The following CEP112 variants were observed in gnomAD, a reference collection of about 807,000 sequenced individuals.
CEP112 encodes centrosomal protein of 112 kDa.
Under a neutral mutation model 153.0 loss-of-function variants are expected in CEP112, and 127 were observed. That is an observed-to-expected ratio of 0.83 (90% CI 0.72 to 0.96). CEP112 has a LOEUF of 0.96. Among genes scored for constraint, CEP112 ranks in the 40% least tolerant of loss-of-function variants. The pLI is 0.00. For missense variants in CEP112, 1,089 were observed against 1,101.2 expected, an observed-to-expected ratio of 0.99 and a Z score of 0.16; for synonymous variants, 358 against 374.4, an observed-to-expected ratio of 0.96 and a Z score of 0.51.
At chr17:65,902,062 C>G in intron 20 of CEP112, 90 bp downstream of exon 20, 1 of 726,966 alleles carries the variant, frequency 1.4e-6, no homozygotes, top group East Asian at 3.1e-5. Flanking sequence ...GATCAAACAG[C>G]GTGCATCAAT....
intron 18 of CEP112, among the ~76,000 whole-genome samples, chr17:65,937,996 G>C (rs893575186): frequency 8.3e-6 from 1 of 120,668 alleles, no homozygotes; most frequent in Non-Finnish European, 1.8e-5. Context: ...GTGGGGAAAA[G>C]ATTGAGAAAT....
At chr17:65,943,849 A>C (rs184384709) in intron 18 of CEP112, among the ~76,000 whole-genome samples, 43 of 152,272 alleles carry the variant, frequency 2.8e-4, no homozygotes, top group African/African-American at 9.9e-4. Context: ...AGGTACACCA[A>C]TCAGTCATAG....
chr17:65,808,556 G>A (rs2055751771), intron 21 of CEP112, among the ~76,000 whole-genome samples: 1 of 152,128 alleles, frequency 6.6e-6, no homozygotes, highest in Non-Finnish European at 1.5e-5. Context: ...GGTAGGAGGT[G>A]ATTGAATCAT....
intron 18 of CEP112, among the ~76,000 whole-genome samples, chr17:65,937,531 CTCTG>C (rs1599074502): frequency 1.5e-5 from 2 of 137,824 alleles, no homozygotes; most frequent in African/African-American, 5.1e-5. Flanking sequence ...TGAGGAGCCC[CTCTG>C]CCCGGCCAGC....
At chr17:65,833,021 C>A (rs756204108) in intron 21 of CEP112, among the ~76,000 whole-genome samples, 2 of 152,136 alleles carry the variant, frequency 1.3e-5, no homozygotes, top group Non-Finnish European at 2.9e-5. Flanking sequence ...ATCAAGTAGA[C>A]GTCATCCCCA....
chr17:65,824,461 T>C (rs1216352701), intron 21 of CEP112, among the ~76,000 whole-genome samples: 2 of 152,226 alleles, frequency 1.3e-5, no homozygotes, highest in African/African-American at 2.4e-5. Flanking sequence ...GATGGAACTG[T>C]TCTTCATCTT....
At chr17:65,877,336 A>G (rs547669091) in intron 20 of CEP112, among the ~76,000 whole-genome samples, 1 of 152,362 alleles carries the variant, frequency 6.6e-6, no homozygotes, top group Admixed American at 6.5e-5. Flanking sequence ...AGCACCCTCA[A>G]ACACAAAGAG....
At chr17:65,753,708 T>C (rs9911719) in intron 21 of CEP112, among the ~76,000 whole-genome samples, 3 of 152,226 alleles carry the variant, frequency 2.0e-5, no homozygotes, top group African/African-American at 7.2e-5. Context: ...TTGTTGCTTT[T>C]AAAATAAACG....
intron 21 of CEP112, among the ~76,000 whole-genome samples, chr17:65,843,474 A>G (rs2057603004): frequency 6.6e-6 from 1 of 152,182 alleles, no homozygotes; most frequent in African/African-American, 2.4e-5. Context: ...GATAAAAGTA[A>G]AAAGAACAAA....
intron 8 of CEP112, among the ~76,000 whole-genome samples, chr17:66,095,510 C>A (rs764263072): frequency 6.6e-6 from 1 of 151,782 alleles, no homozygotes; most frequent in African/African-American, 2.4e-5. Context: ...TGAGGCCAGG[C>A]GACAAGGAGT....
intron 20 of CEP112, among the ~76,000 whole-genome samples, chr17:65,854,938 T>C (rs1047826605): frequency 4.6e-5 from 7 of 152,162 alleles, no homozygotes; most frequent in African/African-American, 1.7e-4. Context: ...AGTTATGTGT[T>C]TGGGAGGCAG....
chr17:65,700,503 A>C (rs947559578), intron 23 of CEP112, among the ~76,000 whole-genome samples: 1 of 152,108 alleles, frequency 6.6e-6, no homozygotes, highest in Non-Finnish European at 1.5e-5. Context: ...CTGGGGAGTG[A>C]ATCACAGAGG....
chr17:66,086,762 A>C (rs2067955025), intron 8 of CEP112, among the ~76,000 whole-genome samples: 1 of 152,152 alleles, frequency 6.6e-6, no homozygotes, highest in Non-Finnish European at 1.5e-5. Context: ...AAAAACGTAA[A>C]TATATTACCA....
At chr17:65,850,309 G>A (rs919502648) in intron 21 of CEP112, among the ~76,000 whole-genome samples, 6 of 152,048 alleles carry the variant, frequency 3.9e-5, no homozygotes, top group Middle Eastern at 3.4e-3. Context: ...TATTGGTCTT[G>A]TAGTCTTCTT....
chr17:65,674,606 G>A (rs1041386542), intron 24 of CEP112, among the ~76,000 whole-genome samples: 1 of 152,192 alleles, frequency 6.6e-6, no homozygotes, highest in African/African-American at 2.4e-5. Context: ...AGGAGTAGGA[G>A]TGAATTGGAA....
At chr17:65,784,958 A>G (rs1180269467) in intron 21 of CEP112, among the ~76,000 whole-genome samples, 1 of 152,098 alleles carries the variant, frequency 6.6e-6, no homozygotes, top group Non-Finnish European at 1.5e-5. Flanking sequence ...CAAAAAAAGA[A>G]CCCATCCCTA....
chr17:65,732,354 A>G (rs1373871647), intron 23 of CEP112, among the ~76,000 whole-genome samples: 1 of 152,218 alleles, frequency 6.6e-6, no homozygotes, highest in East Asian at 1.9e-4. Flanking sequence ...CATGCTGTAA[A>G]CCAAGCTGCA....
At chr17:65,679,708 C>T (rs2047419318) in intron 24 of CEP112, among the ~76,000 whole-genome samples, 1 of 152,116 alleles carries the variant, frequency 6.6e-6, no homozygotes, top group Non-Finnish European at 1.5e-5. Flanking sequence ...GTTGGTTACC[C>T]TTGATGATGA....
intron 18 of CEP112, among the ~76,000 whole-genome samples, chr17:65,936,300 CAACAAA>C (rs2061304987): frequency 6.6e-6 from 1 of 150,782 alleles, no homozygotes. Context: ...AGAAGCTTCT[CAACAAA>C]GAGAAGCTTC....
Sources: gnomAD v4.1 joint callset for allele counts (sites outside exome capture counted in the v4.1 genomes callset) on GRCh38, gnomAD v4.1.1 for gene constraint, MANE v1.5 for transcripts, NCBI Gene and HGNC (gene_info 2026-07-23, HGNC 2026-07-21) for gene names.